Variants in GRID1 observed in about 807,000 individuals in gnomAD.
GRID1 encodes the protein glutamate ionotropic receptor delta type subunit 1.
In GRID1, 28 loss-of-function variants were observed where a neutral mutation model predicts 98.0. The observed-to-expected ratio is 0.29, with a 90% CI of 0.21 to 0.39. The LOEUF (loss-of-function observed/expected upper bound fraction) is 0.39. Ranked by LOEUF, GRID1 falls within the 10% of genes least tolerant of loss-of-function variation. The pLI, the probability that GRID1 is intolerant of heterozygous loss-of-function variation, is 1.00. For synonymous variants in GRID1, 553 were observed against 538.5 expected, an observed-to-expected ratio of 1.03 and a Z score of -0.37; for missense variants, 1,111 against 1,340.5, an observed-to-expected ratio of 0.83 and a Z score of 2.67.
intron 4 of GRID1, among the ~76,000 whole-genome samples, chr10:86,016,878 C>T (rs1192662191): frequency 6.6e-6 from 1 of 152,198 alleles, no homozygotes; most frequent in Non-Finnish European, 1.5e-5. Context: ...GGTATTATCT[C>T]TCACACTCAG....
intron 2 of GRID1, among the ~76,000 whole-genome samples, chr10:86,207,534 C>G (rs553513405): frequency 1.3e-5 from 2 of 152,156 alleles, no homozygotes; most frequent in Non-Finnish European, 2.9e-5. Context: ...AGATGCACCT[C>G]CCAACGCTGC....
At position 86,075,528 on chromosome 10, in the gene GRID1, G is replaced by C. The variant is rs370487621; in HGVS notation, c.726+63291C>G. ...CTTGATCTTGAACTTCCAACCTCCAGAACTGTGAGATGATACATGTCTGTT... is the reference window on the plus strand; with the variant it reads ...CTTGATCTTGAACTTCCAACCTCCACAACTGTGAGATGATACATGTCTGTT... On this transcript the variant is annotated intron_variant, in intron 4 of 15. Transcript: ENST00000327946. Among the ~76,000 whole-genome samples, 11 of 152,314 alleles carry C rather than the reference G, an allele frequency of 7.2e-5. No homozygotes were observed. In the South Asian group the frequency reaches 1.0e-3, roughly 14 times the overall value.
At chr10:86,108,057 C>T (rs753122912) in intron 4 of GRID1, among the ~76,000 whole-genome samples, 2 of 152,200 alleles carry the variant, frequency 1.3e-5, no homozygotes, top group Non-Finnish European at 2.9e-5. Context: ...ACACAAGCCG[C>T]CTACAGACAG....
At position 86,336,144 on chromosome 10, in the gene GRID1, T is replaced by C. The variant is rs79445874; in HGVS notation, c.235+27797A>G. Among the ~76,000 whole-genome samples the C allele has an allele frequency of 4.7e-3, 717 of 152,344 alleles. 2 individuals carry two copies. The highest frequency in any genetic ancestry group is 0.016 in the African/African-American group (670 of 41,576). On this transcript the variant is annotated intron_variant, in intron 2 of 15. Transcript: ENST00000327946. ...TGTCTCTATCACAGACAACTCCAGG[T>C]TGCTCTCCTAGGAGTCTGATCACTG... is the stretch of plus-strand genomic sequence containing the variant.
At chr10:86,357,063 G>A (rs1848542424) in intron 2 of GRID1, among the ~76,000 whole-genome samples, 3 of 152,222 alleles carry the variant, frequency 2.0e-5, no homozygotes, top group Non-Finnish European at 4.4e-5. Context: ...ATGGCTCCAG[G>A]AGGAAAATTG....
intron 5 of GRID1, among the ~76,000 whole-genome samples, chr10:85,882,636 G>A (rs1163420002): frequency 6.6e-6 from 1 of 152,126 alleles, no homozygotes; most frequent in Non-Finnish European, 1.5e-5. Context: ...GTTGGGGGAG[G>A]GGGAAGGGAT....
chr10:85,771,345 C>T (rs572783233), intron 8 of GRID1, among the ~76,000 whole-genome samples: 63 of 152,276 alleles, frequency 4.1e-4, no homozygotes, highest in South Asian at 1.2e-3. Context: ...AAAGGAACAA[C>T]CGGTACCAGC....
intron 4 of GRID1, among the ~76,000 whole-genome samples, chr10:85,935,796 C>T (rs1372797836): frequency 6.6e-6 from 1 of 152,202 alleles, no homozygotes; most frequent in Non-Finnish European, 1.5e-5. Flanking sequence ...GCAATTCTTT[C>T]ACTTGTCCAA....
At chr10:85,957,946 A>G (rs1371749794) in intron 4 of GRID1, among the ~76,000 whole-genome samples, 2 of 152,190 alleles carry the variant, frequency 1.3e-5, no homozygotes, top group African/African-American at 4.8e-5. Context: ...ACCTTCCCCA[A>G]ATTGAGCTAC....
chr10:86,127,927 C>G (rs1164913273), intron 4 of GRID1, among the ~76,000 whole-genome samples: 1 of 152,182 alleles, frequency 6.6e-6, no homozygotes, highest in Non-Finnish European at 1.5e-5. Context: ...CACCCCTGCA[C>G]CAGGCCCTCT....
intron 2 of GRID1, among the ~76,000 whole-genome samples, chr10:86,299,083 T>C (rs979657049): frequency 6.6e-6 from 1 of 152,110 alleles, no homozygotes; most frequent in African/African-American, 2.4e-5. Flanking sequence ...ACCTCTACTT[T>C]ATAGATGCCC....
chr10:86,019,437 G>A (rs1167022263), intron 4 of GRID1, among the ~76,000 whole-genome samples: 1 of 152,248 alleles, frequency 6.6e-6, no homozygotes, highest in Non-Finnish European at 1.5e-5. Flanking sequence ...CCTGGGGACT[G>A]GAGGGCTTCG....
At chr10:86,001,730 T>C (rs1410364420) in intron 4 of GRID1, among the ~76,000 whole-genome samples, 3 of 152,196 alleles carry the variant, frequency 2.0e-5, no homozygotes, top group African/African-American at 7.2e-5. Flanking sequence ...ATTAGCTTGA[T>C]TGTTGTAACT....
rs370031517 is a variant in GRID1 at position 85,930,945 on chromosome 10, ATCTCTCACCTCAG to A, written c.727-14719_727-14707del. Among the ~76,000 whole-genome samples the A allele has an allele frequency of 2.9e-3, 445 of 152,132 alleles. 1 individual carries two copies. The highest frequency in any genetic ancestry group is 0.01 in the African/African-American group (426 of 41,510). The stretch of plus-strand genomic sequence containing the variant: ...CAGCCTTGACCTCCGGGATCAAGCA[ATCTCTCACCTCAG>A]TCTCCCAAGCAGCTGAGATTACAGG... On this transcript the variant is annotated intron_variant, in intron 4 of 15. Coordinates refer to ENST00000327946, the MANE Select transcript of GRID1 (RefSeq NM_017551.3).
At chr10:85,733,527 A>G (rs1266751298) in intron 8 of GRID1, among the ~76,000 whole-genome samples, 1 of 152,238 alleles carries the variant, frequency 6.6e-6, no homozygotes, top group Non-Finnish European at 1.5e-5. Flanking sequence ...AGCACTTGAC[A>G]GCACAATGCT....
chr10:85,698,815 C>A (rs1029203648), intron 12 of GRID1, among the ~76,000 whole-genome samples: 24 of 152,302 alleles, frequency 1.6e-4, no homozygotes, highest in African/African-American at 5.8e-4. Flanking sequence ...GCATTTGGTG[C>A]TATTGGCGTC....
chr10:86,071,358 G>C (rs1843801279), intron 4 of GRID1, among the ~76,000 whole-genome samples: 1 of 152,196 alleles, frequency 6.6e-6, no homozygotes, highest in African/African-American at 2.4e-5. Flanking sequence ...ACAATGACTT[G>C]CATCCTGGCT....
chr10:86,210,789 G>T (rs770056347), intron 2 of GRID1, among the ~76,000 whole-genome samples: 1 of 152,254 alleles, frequency 6.6e-6, no homozygotes, highest in Non-Finnish European at 1.5e-5. Flanking sequence ...CTGTTGAAAT[G>T]ATGGTTATTT....
At chr10:86,088,938 G>C (rs908030303) in intron 4 of GRID1, among the ~76,000 whole-genome samples, 1 of 151,844 alleles carries the variant, frequency 6.6e-6, no homozygotes, top group African/African-American at 2.4e-5. Flanking sequence ...GCTCTATCTA[G>C]CCAAAGGTCC....
Sources: allele counts gnomAD v4.1 joint callset (sites outside exome capture counted in the v4.1 genomes callset), GRCh38; gene constraint gnomAD v4.1.1; transcripts MANE v1.5; gene names NCBI Gene and HGNC (gene_info 2026-07-23, HGNC 2026-07-21).